The following KCTD16 variants were observed in gnomAD, a reference collection of about 807,000 sequenced individuals.
The protein encoded by KCTD16 is potassium channel tetramerization domain containing 16, also known as BTB/POZ domain-containing protein KCTD16.
KCTD16 carries 13 observed loss-of-function variants against 33.2 expected under a neutral mutation model. The ratio of observed to expected loss-of-function variants is 0.39; its 90% confidence interval spans 0.25 to 0.62. KCTD16 has a LOEUF of 0.62. Among genes scored for constraint, KCTD16 ranks in the 20% least tolerant of loss-of-function variants. The pLI is 0.50. For missense variants in KCTD16, 441 were observed against 525.1 expected, an observed-to-expected ratio of 0.84 and a Z score of 1.57; for synonymous variants, 197 against 195.3, an observed-to-expected ratio of 1.01 and a Z score of -0.07.
chr5:144,254,311 T>TG (rs1228745709), intron 3 of KCTD16, among the ~76,000 whole-genome samples: 340 of 140,866 alleles, frequency 2.4e-3, no homozygotes, highest in Admixed American at 5.3e-3. Flanking sequence ...TAATTTTTTT[T>TG]TTTTGTTTTT....
At chr5:144,415,409 G>A (rs370843581) in intron 3 of KCTD16, among the ~76,000 whole-genome samples, 2 of 152,102 alleles carry the variant, frequency 1.3e-5, no homozygotes, top group East Asian at 3.9e-4. Context: ...GTGGAGCAGA[G>A]GAAAGGGATG....
chr5:144,394,551 A>G (rs536675426), intron 3 of KCTD16, among the ~76,000 whole-genome samples: 26 of 152,358 alleles, frequency 1.7e-4, no homozygotes, highest in South Asian at 8.3e-4. Flanking sequence ...TGGTTTGGCT[A>G]TATCCCCACC....
rs1209701383 is a variant in KCTD16, at chr5:144,280,528, T to G, written c.832+72982T>G. Among the ~76,000 whole-genome samples, 8 of 152,340 alleles carry G rather than the reference T, an allele frequency of 5.3e-5. No homozygotes were observed. In the South Asian group the frequency reaches 1.7e-3, roughly 32 times the overall value. On this transcript the variant is annotated intron_variant, in intron 3 of 3. Transcript: ENST00000512467. ...AGTCTGTAGTGATAAATTCTGATAT[T>G]GCTAATTTGTGTTTTCTCTCTCTTT...
chr5:144,300,193 A>G (rs1286725928), intron 3 of KCTD16, among the ~76,000 whole-genome samples: 1 of 152,222 alleles, frequency 6.6e-6, no homozygotes, highest in Non-Finnish European at 1.5e-5. Context: ...TTGAATCAAA[A>G]GAGATATAGA....
intron 3 of KCTD16, among the ~76,000 whole-genome samples, chr5:144,343,342 C>G (rs1423840031): frequency 6.6e-6 from 1 of 151,998 alleles, no homozygotes; most frequent in African/African-American, 2.4e-5. Flanking sequence ...TCCATTTCTT[C>G]TAGATTTTCT....
At chr5:144,241,358 A>G (rs1754399690) in intron 3 of KCTD16, among the ~76,000 whole-genome samples, 1 of 152,334 alleles carries the variant, frequency 6.6e-6, no homozygotes, top group East Asian at 1.9e-4. Flanking sequence ...GAAAGCACTC[A>G]TCATGTTTGG....
At chr5:144,388,054 T>C (rs1752364287) in intron 3 of KCTD16, among the ~76,000 whole-genome samples, 1 of 149,036 alleles carries the variant, frequency 6.7e-6, no homozygotes, top group Admixed American at 6.7e-5. Context: ...CAGAGTTCAA[T>C]TTTAGAGCAA....
chr5:144,221,262 C>T (rs541885152), intron 3 of KCTD16, among the ~76,000 whole-genome samples: 5 of 152,142 alleles, frequency 3.3e-5, no homozygotes, highest in Non-Finnish European at 7.4e-5. Flanking sequence ...GACATTAAAT[C>T]TGCTTTAGTA....
At chr5:144,468,559 G>A (rs1754399867) in intron 3 of KCTD16, among the ~76,000 whole-genome samples, 1 of 152,174 alleles carries the variant, frequency 6.6e-6, no homozygotes, top group Non-Finnish European at 1.5e-5. Context: ...AGCTCTCATA[G>A]CCTGCCTATT....
chr5:144,418,472 CAG>C (rs1332310583), intron 3 of KCTD16, among the ~76,000 whole-genome samples: 1 of 152,138 alleles, frequency 6.6e-6, no homozygotes, highest in Non-Finnish European at 1.5e-5. Flanking sequence ...TAGCAAGACA[CAG>C]AGAGCTGATT....
At chr5:144,444,248 C>T (rs1401193450) in intron 3 of KCTD16, among the ~76,000 whole-genome samples, 2 of 145,942 alleles carry the variant, frequency 1.4e-5, no homozygotes, top group East Asian at 2.1e-4. Context: ...CAGTTCATAG[C>T]GATATTTCCA....
chr5:144,305,601 G>T (rs1751583295), intron 3 of KCTD16, among the ~76,000 whole-genome samples: 1 of 152,122 alleles, frequency 6.6e-6, no homozygotes, highest in Non-Finnish European at 1.5e-5. Context: ...GGATCATGAG[G>T]TCAGGAGATC....
chr5:144,194,798 C>A (rs906485657), intron 2 of KCTD16, among the ~76,000 whole-genome samples: 2 of 152,070 alleles, frequency 1.3e-5, no homozygotes, highest in Admixed American at 6.5e-5. Context: ...ATCCCAAAGC[C>A]CACCCTTTTA....
intron 3 of KCTD16, among the ~76,000 whole-genome samples, chr5:144,255,846 TAAAAC>T (rs1344897175): frequency 2.6e-5 from 4 of 152,112 alleles, no homozygotes; most frequent in Admixed American, 2.6e-4. Context: ...TTAGAGAAAA[TAAAAC>T]CTTAGAGAAT....
At chr5:144,283,918 A>G (rs1267754248) in intron 3 of KCTD16, among the ~76,000 whole-genome samples, 2 of 152,214 alleles carry the variant, frequency 1.3e-5, no homozygotes, top group Non-Finnish European at 2.9e-5. Flanking sequence ...TAAGCTAAAA[A>G]GGAACTATAT....
At chr5:144,465,393 G>A (rs1453354545) in intron 3 of KCTD16, among the ~76,000 whole-genome samples, 2 of 151,994 alleles carry the variant, frequency 1.3e-5, no homozygotes, top group Non-Finnish European at 2.9e-5. Flanking sequence ...ACTATCCAGC[G>A]GGTTTTGCTG....
chr5:144,247,233 A>T (rs1754574870), intron 3 of KCTD16, among the ~76,000 whole-genome samples: 1 of 152,204 alleles, frequency 6.6e-6, no homozygotes, highest in Admixed American at 6.5e-5. Context: ...AATGATGACT[A>T]TGACTTCCAA....
rs533089354 is a variant in KCTD16, at chr5:144,223,954, T to TA, written c.832+16415dup. Among the ~76,000 whole-genome samples, 1,220 of 152,054 alleles carry TA rather than the reference T, an allele frequency of 8.0e-3. 15 individuals are homozygous for TA. The highest frequency in any genetic ancestry group is 0.028 in the African/African-American group (1,156 of 41,472). ...AGGGCTCAGCGTAGGTGTTTTTTTT[T>TA]AAAAAAACCCGACCCAGATGTTCTA... On this transcript the variant is annotated intron_variant, in intron 3 of 3. Transcript: ENST00000512467.
intron 3 of KCTD16, among the ~76,000 whole-genome samples, chr5:144,327,424 T>C (rs1411647730): frequency 6.6e-6 from 1 of 152,174 alleles, no homozygotes; most frequent in Non-Finnish European, 1.5e-5. Context: ...TTCCTGATCT[T>C]GCCTATCTCT....
Sources: allele counts gnomAD v4.1 joint callset (sites outside exome capture counted in the v4.1 genomes callset), GRCh38; gene constraint gnomAD v4.1.1; transcripts MANE v1.5; gene names NCBI Gene and HGNC (gene_info 2026-07-23, HGNC 2026-07-21).